Variants in ATP9B observed in about 807,000 individuals in gnomAD.
ATP9B encodes the protein ATPase phospholipid transporting 9B.
In ATP9B, 110 loss-of-function variants were observed where a neutral mutation model predicts 146.1. The ratio of observed to expected loss-of-function variants is 0.75; its 90% CI spans 0.65 to 0.88. The LOEUF is 0.88. ATP9B is among the 40% of genes least tolerant of loss of function. ATP9B has a pLI of 0.00. For missense variants in ATP9B, 1,499 were observed against 1,496.4 expected (o/e 1.00, Z -0.03); for synonymous variants, 604 against 569.7 (o/e 1.06, Z -0.86).
intron 9 of ATP9B, among the ~76,000 whole-genome samples, chr18:79,199,101 A>G (rs1272919285): frequency 6.6e-6 from 1 of 151,876 alleles, no homozygotes; most frequent in Non-Finnish European, 1.5e-5. Context: ...AGAGTCACGC[A>G]CTGCCACGCC....
chr18:79,268,982 A>G (rs2096230449), intron 12 of ATP9B, among the ~76,000 whole-genome samples: 1 of 152,028 alleles, frequency 6.6e-6, no homozygotes, highest in Non-Finnish European at 1.5e-5. Flanking sequence ...CCGCTTTTCT[A>G]TCCTCTCCTC....
intron 5 of ATP9B, 59 bp downstream of exon 5, chr18:79,126,434 T>TTAACA (rs796709911): frequency 8.7e-7 from 1 of 1,156,058 alleles, no homozygotes; most frequent in Non-Finnish European, 1.3e-6. Context: ...CATTTTAGAG[T>TTAACA]TAACATAACA....
intron 13 of ATP9B, among the ~76,000 whole-genome samples, chr18:79,300,839 C>T (rs1336171720): frequency 6.6e-6 from 1 of 152,222 alleles, no homozygotes; most frequent in Non-Finnish European, 1.5e-5. Flanking sequence ...ATTCTTTTAA[C>T]TTTACATATG....
At chr18:79,321,696 A>G (rs2096717165) in intron 15 of ATP9B, among the ~76,000 whole-genome samples, 2 of 152,370 alleles carry the variant, frequency 1.3e-5, no homozygotes, top group South Asian at 4.1e-4. Context: ...ATTACAAATT[A>G]AAAACAATTG....
intron 17 of ATP9B, among the ~76,000 whole-genome samples, chr18:79,335,392 C>T (rs951511001): frequency 1.3e-5 from 2 of 152,220 alleles, no homozygotes; most frequent in African/African-American, 4.8e-5. Context: ...TCAGCCTTGT[C>T]CCAGAGAGCC....
intron 11 of ATP9B, among the ~76,000 whole-genome samples, chr18:79,222,414 C>T (rs922470903): frequency 7.2e-5 from 11 of 151,962 alleles, no homozygotes; most frequent in South Asian, 4.2e-4. Context: ...GTTTCTGTGA[C>T]GCCTGGTTGT....
chr18:79,135,877 G>T (rs1230772200), intron 5 of ATP9B, among the ~76,000 whole-genome samples: 5 of 152,090 alleles, frequency 3.3e-5, no homozygotes, highest in African/African-American at 4.8e-5. Context: ...GTCGTTGTCA[G>T]TACTGTTTTT....
chr18:79,140,859 G>A (rs1342321638), intron 5 of ATP9B, among the ~76,000 whole-genome samples: 1 of 152,106 alleles, frequency 6.6e-6, no homozygotes, highest in Non-Finnish European at 1.5e-5. Flanking sequence ...ATAATTTGTT[G>A]TTCATGGGAA....
chr18:79,350,987 T>G (rs1174456931), intron 25 of ATP9B, among the ~76,000 whole-genome samples: 1 of 152,074 alleles, frequency 6.6e-6, no homozygotes, highest in Non-Finnish European at 1.5e-5. Flanking sequence ...ACCAGGGTGG[T>G]CTCGAACTCC....
At position 79,274,169 on chromosome 18, in the gene ATP9B, A is replaced by AG. The variant is rs942074382; in HGVS notation, c.1269-2878dup. Among the ~76,000 whole-genome samples, 22 of 152,212 alleles carry AG rather than the reference A, an allele frequency of 1.4e-4. No homozygotes were observed. The East Asian group carries it at 2.5e-3, about 17-fold the overall frequency. On this transcript the variant is annotated intron_variant, in intron 12 of 29. Transcript: ENST00000426216. ...AAAATACTAGGTTTAATATATATTG[A>AG]GGGGGGGTGACATATTATGTTACAG...
chr18:79,321,800 A>G (rs1048607057), intron 15 of ATP9B, among the ~76,000 whole-genome samples: 5 of 152,246 alleles, frequency 3.3e-5, no homozygotes, highest in Non-Finnish European at 5.9e-5. Context: ...CATAAACTAA[A>G]TAATAAACAG....
chr18:79,359,602 T>A, intron 26 of ATP9B, 140 bp downstream of exon 26: 1 of 682,012 alleles, frequency 1.5e-6, no homozygotes, highest in Non-Finnish European at 2.6e-6. Flanking sequence ...ATGTTTTTTA[T>A]GTCTCCTAAT....
chr18:79,313,367 G>A (rs547611215), intron 15 of ATP9B, among the ~76,000 whole-genome samples: 8 of 152,258 alleles, frequency 5.3e-5, no homozygotes, highest in African/African-American at 9.6e-5. Context: ...ATGAGCAACC[G>A]CTCTGTAAGA....
At chr18:79,316,428 T>A (rs1274425618) in intron 15 of ATP9B, among the ~76,000 whole-genome samples, 1 of 152,142 alleles carries the variant, frequency 6.6e-6, no homozygotes, top group African/African-American at 2.4e-5. Flanking sequence ...CATCCACCCC[T>A]CAGCAGCCTT....
At chr18:79,263,153 G>A (rs2096162413) in intron 12 of ATP9B, among the ~76,000 whole-genome samples, 1 of 152,088 alleles carries the variant, frequency 6.6e-6, no homozygotes, top group Non-Finnish European at 1.5e-5. Flanking sequence ...ATACAATGCT[G>A]CTTTTATGGT....
intron 6 of ATP9B, among the ~76,000 whole-genome samples, chr18:79,153,515 GTCC>G (rs1599953733): frequency 6.6e-6 from 1 of 152,152 alleles, no homozygotes; most frequent in East Asian, 1.9e-4. Context: ...CAGGACCACA[GTCC>G]TCCTCACTTT....
At chr18:79,194,376 CTT>C (rs947296542) in intron 9 of ATP9B, 44 of 152,180 alleles carry the variant, frequency 2.9e-4, no homozygotes, top group African/African-American at 1.0e-3. Flanking sequence ...TTGCTCATGA[CTT>C]TGAAAAGTCG....
chr18:79,200,229 T>G (rs886093068), intron 9 of ATP9B, among the ~76,000 whole-genome samples: 1 of 152,242 alleles, frequency 6.6e-6, no homozygotes, highest in Admixed American at 6.5e-5. Flanking sequence ...ATCTCTGTTA[T>G]ACTTTGATGG....
chr18:79,123,909 A>G (rs1034783203), intron 4 of ATP9B, among the ~76,000 whole-genome samples: 11 of 152,232 alleles, frequency 7.2e-5, no homozygotes, highest in African/African-American at 2.7e-4. Context: ...AGCATGTGAA[A>G]AGTTGCTCAA....
Sources: gnomAD v4.1 joint callset for allele counts (sites outside exome capture counted in the v4.1 genomes callset) on GRCh38, gnomAD v4.1.1 for gene constraint, MANE v1.5 for transcripts, NCBI Gene and HGNC (gene_info 2026-07-23, HGNC 2026-07-21) for gene names.